Variants in KCNH5 observed in about 807,000 individuals in gnomAD.
The protein encoded by KCNH5 is voltage-gated delayed rectifier potassium channel KCNH5.
A neutral mutation model predicts 96.1 loss-of-function variants in KCNH5; 46 were observed. That is an observed-to-expected ratio of 0.48 (90% confidence interval 0.38 to 0.61). KCNH5 has a LOEUF of 0.61. Among genes scored for constraint, KCNH5 ranks in the 20% least tolerant of loss-of-function variants. KCNH5 has a pLI of 0.00. For synonymous variants in KCNH5, 439 were observed against 449.8 expected (o/e 0.98, Z 0.30); for missense variants, 907 against 1,225.8 (o/e 0.74, Z 3.88).
intron 7 of KCNH5, among the ~76,000 whole-genome samples, chr14:62,932,657 G>A (rs75526376): frequency 0.11 from 17,462 of 151,858 alleles, 1,201 homozygotes; most frequent in East Asian, 0.28. Context: ...GGATGAAAAC[G>A]AATCCATAGA....
At chr14:62,966,917 CT>C (rs1467439967) in intron 6 of KCNH5, among the ~76,000 whole-genome samples, 1 of 151,910 alleles carries the variant, frequency 6.6e-6, no homozygotes, top group African/African-American at 2.4e-5. Flanking sequence ...CTTTTCTTTC[CT>C]GCTCTGAGTA....
Position 62,765,129 on chromosome 14 carries a change from A to G in KCNH5, c.2019+14599T>C, listed in dbSNP as rs1016636971. 2.6e-4 allele frequency among the ~76,000 whole-genome samples: 39 copies of G among 152,228 alleles called. 2 individuals carry two copies. The highest frequency in any genetic ancestry group is 1.2e-4 in the Non-Finnish European group (8 of 68,036). ...ACTACCTGACTTCAAACTATACTAC[A>G]AGGCTACAGTAATCAAAGCAGCATT... is the stretch of plus-strand genomic sequence containing the variant. On this transcript the variant is annotated intron_variant, in intron 10 of 10. Coordinates refer to ENST00000322893, the MANE Select transcript of KCNH5 (RefSeq NM_139318.5).
At chr14:62,897,813 A>G (rs116971661) in intron 7 of KCNH5, among the ~76,000 whole-genome samples, 4,961 of 152,264 alleles carry the variant, frequency 0.033, 117 homozygotes, top group Non-Finnish European at 0.051. Flanking sequence ...GTTTCTTGTT[A>G]TCTCTCTTTC....
Position 62,851,898 on chromosome 14 carries a change from C to T in KCNH5, c.1370-2046G>A, listed in dbSNP as rs564022158. On this transcript the variant is annotated intron_variant, in intron 7 of 10. Transcript: ENST00000322893. ...ACGACACATTTCATCTTTTAGGGTA[C>T]ATTAAATGTACACACAAAATATATT... 4.6e-5 allele frequency among the ~76,000 whole-genome samples: 7 copies of T among 152,124 alleles called. No homozygotes were observed. In the South Asian group the frequency reaches 1.5e-3, roughly 32 times the overall value.
intron 10 of KCNH5, among the ~76,000 whole-genome samples, chr14:62,774,326 G>A (rs1165904644): frequency 6.6e-6 from 1 of 152,146 alleles, no homozygotes; most frequent in Non-Finnish European, 1.5e-5. Flanking sequence ...CACCTTGTTA[G>A]AACAGACAAT....
intron 3 of KCNH5, among the ~76,000 whole-genome samples, chr14:63,004,403 A>T (rs1891088128): frequency 6.6e-6 from 1 of 152,208 alleles, no homozygotes; most frequent in Non-Finnish European, 1.5e-5. Context: ...TATATATCCC[A>T]TTGGCTATAA....
chr14:62,803,931 A>G (rs1886715177), intron 8 of KCNH5, among the ~76,000 whole-genome samples: 1 of 152,226 alleles, frequency 6.6e-6, no homozygotes, highest in Admixed American at 6.5e-5. Context: ...GTTATACTGC[A>G]TAATATTTTA....
chr14:62,987,546 C>T (rs74058739), intron 4 of KCNH5, among the ~76,000 whole-genome samples: 10,206 of 152,244 alleles, frequency 0.067, 587 homozygotes, highest in African/African-American at 0.16. Context: ...TCTTGCATCT[C>T]AGTATGGCCT....
chr14:62,976,609 G>A (rs1890505244), intron 6 of KCNH5, among the ~76,000 whole-genome samples: 1 of 152,054 alleles, frequency 6.6e-6, no homozygotes, highest in African/African-American at 2.4e-5. Context: ...AAATAGATCT[G>A]CACAAAAGCA....
chr14:62,914,710 C>G (rs1432274923), intron 7 of KCNH5, among the ~76,000 whole-genome samples: 3 of 152,144 alleles, frequency 2.0e-5, no homozygotes, highest in Non-Finnish European at 4.4e-5. Context: ...AGACTCTTAC[C>G]AGACATCACT....
At chr14:62,892,966 C>T (rs569487354) in intron 7 of KCNH5, among the ~76,000 whole-genome samples, 3 of 152,218 alleles carry the variant, frequency 2.0e-5, no homozygotes, top group Middle Eastern at 3.4e-3. Context: ...TTCATACCTG[C>T]TAACACAACA....
chr14:62,839,260 T>C (rs1232373596), intron 8 of KCNH5, among the ~76,000 whole-genome samples: 1 of 152,188 alleles, frequency 6.6e-6, no homozygotes, highest in Non-Finnish European at 1.5e-5. Context: ...TTTTTTCTAA[T>C]TTTATGTAAC....
intron 8 of KCNH5, among the ~76,000 whole-genome samples, chr14:62,820,646 T>C (rs1355935125): frequency 3.9e-5 from 6 of 152,284 alleles, no homozygotes; most frequent in Admixed American, 3.3e-4. Flanking sequence ...GAGCTCCATC[T>C]ATGTCCTTGA....
intron 2 of KCNH5, among the ~76,000 whole-genome samples, chr14:63,009,790 T>A (rs1594673415): frequency 6.6e-6 from 1 of 152,212 alleles, no homozygotes; most frequent in East Asian, 1.9e-4. Flanking sequence ...TTGTCACATA[T>A]GAATGCTGAA....
rs544178349 is a variant in KCNH5 at position 62,736,955 on chromosome 14, C to T, written c.2020-28500G>A. 2.0e-5 allele frequency among the ~76,000 whole-genome samples: 3 copies of T among 152,230 alleles called. No individual in the cohort carries two copies. The East Asian group carries it at 5.8e-4, about 29-fold the overall frequency. On this transcript the variant is annotated intron_variant, in intron 10 of 10. Transcript: ENST00000322893. ...GCTTCCATTCTGTCCTTCAAACATG[C>T]CAAGAAAACTTTTTTCTCTCAGGTC... is the stretch of plus-strand genomic sequence containing the variant.
chr14:62,863,517 T>C (rs1347776107), intron 7 of KCNH5, among the ~76,000 whole-genome samples: 2 of 152,066 alleles, frequency 1.3e-5, no homozygotes, highest in Admixed American at 1.3e-4. Flanking sequence ...TTATGAAAAA[T>C]ATATTATAAG....
chr14:62,999,474 C>A (rs1449666244), intron 4 of KCNH5, among the ~76,000 whole-genome samples: 12 of 151,766 alleles, frequency 7.9e-5, no homozygotes, highest in Admixed American at 6.6e-4. Context: ...AAATGCCCAA[C>A]AATGATAGAC....
intron 6 of KCNH5, among the ~76,000 whole-genome samples, chr14:62,970,628 A>AATGT (rs1440538993): frequency 6.6e-6 from 1 of 152,162 alleles, no homozygotes; most frequent in African/African-American, 2.4e-5. Context: ...TTAATCTAAC[A>AATGT]ATGTATTTTA....
chr14:63,031,344 C>A (rs1411845993), intron 1 of KCNH5, among the ~76,000 whole-genome samples: 2 of 151,966 alleles, frequency 1.3e-5, no homozygotes, highest in African/African-American at 4.8e-5. Context: ...TAAAGGAGTT[C>A]ATACACAAAT....
Sources: allele counts gnomAD v4.1 joint callset (sites outside exome capture counted in the v4.1 genomes callset), GRCh38; gene constraint gnomAD v4.1.1; transcripts MANE v1.5; gene names NCBI Gene and HGNC (gene_info 2026-07-23, HGNC 2026-07-21).